EXT1: variants seen among roughly 807,000 people sequenced by gnomAD.
The protein encoded by EXT1 is exostosin-1.
In EXT1, 20 loss-of-function variants were observed where a neutral mutation model predicts 82.5. That is an observed-to-expected ratio of 0.24 (90% CI 0.17 to 0.35). The LOEUF (loss-of-function observed/expected upper bound fraction) is 0.35, where lower values mean the gene tolerates loss of function less well. Among genes scored for constraint, EXT1 ranks in the 10% least tolerant of loss-of-function variants. The probability of loss-of-function intolerance (pLI) is 1.00; values close to 1 mark genes in which losing one functional copy is unlikely to be tolerated. For synonymous variants in EXT1, 348 were observed against 350.8 expected, an observed-to-expected ratio of 0.99 and a Z score of 0.09; for missense variants, 757 against 936.5, an observed-to-expected ratio of 0.81 and a Z score of 2.50.
chr8:117,928,689 G>T (rs2447541), intron 1 of EXT1, among the ~76,000 whole-genome samples: 111,360 of 151,846 alleles, frequency 0.73, 41,396 homozygotes, highest in African/African-American at 0.83. Flanking sequence ...AATTTCCACT[G>T]GATGTGATAT....
At chr8:117,978,430 T>A (rs1293122597) in intron 1 of EXT1, among the ~76,000 whole-genome samples, 2 of 152,194 alleles carry the variant, frequency 1.3e-5, no homozygotes, top group Non-Finnish European at 2.9e-5. Context: ...GCACATCATC[T>A]CTTTGGAATC....
intron 1 of EXT1, among the ~76,000 whole-genome samples, chr8:117,879,351 G>C (rs977807742): frequency 5.3e-5 from 8 of 151,990 alleles, no homozygotes; most frequent in African/African-American, 1.9e-4. Flanking sequence ...AACAAAAACA[G>C]AGCCTGGAGA....
At chr8:118,035,587 ACT>A (rs2129888804) in intron 1 of EXT1, among the ~76,000 whole-genome samples, 2 of 151,916 alleles carry the variant, frequency 1.3e-5, no homozygotes, top group East Asian at 3.9e-4. Context: ...AAGTTCTATA[ACT>A]CAATTCAAAC....
At chr8:117,938,438 A>C (rs1814210754) in intron 1 of EXT1, among the ~76,000 whole-genome samples, 1 of 152,166 alleles carries the variant, frequency 6.6e-6, no homozygotes, top group Admixed American at 6.6e-5. Context: ...CTCCAGCCTA[A>C]GTGACAAAGC....
intron 1 of EXT1, among the ~76,000 whole-genome samples, chr8:117,973,800 A>AGAAAG (rs1211158489): frequency 0.023 from 1,007 of 43,328 alleles, 35 homozygotes; most frequent in Non-Finnish European, 0.033. Flanking sequence ...AAAAGAAAAG[A>AGAAAG]GAAAGGAAAG....
chr8:117,993,835 G>C (rs1336917164), intron 1 of EXT1, among the ~76,000 whole-genome samples: 5 of 152,300 alleles, frequency 3.3e-5, no homozygotes, highest in Admixed American at 6.5e-5. Context: ...AGGAAAATGA[G>C]TAAAGAAGCC....
intron 1 of EXT1, among the ~76,000 whole-genome samples, chr8:117,899,533 C>A (rs996095232): frequency 6.6e-6 from 1 of 152,158 alleles, no homozygotes; most frequent in Non-Finnish European, 1.5e-5. Flanking sequence ...AACGTGTTCA[C>A]AGGACATCAG....
chr8:118,079,379 C>G lies in EXT1; in HGVS notation c.962+30706G>C, dbSNP rs184202996. On this transcript the variant is annotated intron_variant, in intron 1 of 10. Coordinates refer to ENST00000378204, the MANE Select transcript of EXT1 (RefSeq NM_000127.3). The stretch of plus-strand genomic sequence containing the variant: ...CTCGAATAAAACCTTTTTGGTAAAG[C>G]TTAGAGTTCCTTTTGATGTCAAAAA... Among the ~76,000 whole-genome samples, 18 of 152,294 alleles carry G rather than the reference C, an allele frequency of 1.2e-4. No individual in the cohort carries two copies. In the East Asian group the frequency reaches 2.9e-3, roughly 24 times the overall value.
chr8:118,051,862 G>A (rs1041537881), intron 1 of EXT1, among the ~76,000 whole-genome samples: 3 of 152,152 alleles, frequency 2.0e-5, no homozygotes, highest in African/African-American at 7.2e-5. Flanking sequence ...GTTTTCTGCT[G>A]TGCATCTCCA....
intron 1 of EXT1, among the ~76,000 whole-genome samples, chr8:118,050,920 T>A (rs1334746815): frequency 1.3e-5 from 2 of 152,200 alleles, no homozygotes; most frequent in East Asian, 3.8e-4. Context: ...GTATTTTAGA[T>A]CCTTATTCCC....
intron 1 of EXT1, among the ~76,000 whole-genome samples, chr8:118,102,873 G>A (rs990463797): frequency 2.6e-5 from 4 of 151,882 alleles, no homozygotes; most frequent in East Asian, 1.9e-4. Flanking sequence ...AGACAAGGTC[G>A]GCCGGGCTTG....
chr8:117,900,864 T>C (rs781277769), intron 1 of EXT1, among the ~76,000 whole-genome samples: 5 of 152,258 alleles, frequency 3.3e-5, no homozygotes, highest in Non-Finnish European at 5.9e-5. Context: ...TATTGGTACT[T>C]CTTGATGCTA....
At chr8:117,810,600 T>C (rs1444558551) in intron 8 of EXT1, among the ~76,000 whole-genome samples, 1 of 152,200 alleles carries the variant, frequency 6.6e-6, no homozygotes, top group Admixed American at 6.5e-5. Flanking sequence ...GTGAGACTAA[T>C]TGCCTTGTGC....
intron 1 of EXT1, among the ~76,000 whole-genome samples, chr8:117,953,703 T>C (rs933406933): frequency 3.3e-5 from 5 of 152,068 alleles, no homozygotes; most frequent in Non-Finnish European, 5.9e-5. Flanking sequence ...TTCTTTAACA[T>C]TTCTTATAAA....
intron 1 of EXT1, among the ~76,000 whole-genome samples, chr8:118,072,020 C>T (rs924245165): frequency 2.4e-4 from 37 of 152,114 alleles, no homozygotes; most frequent in Admixed American, 1.8e-3. Context: ...TGCAACACTG[C>T]CTCTCCTAGT....
chr8:117,803,526 G>T (rs1304075181), intron 10 of EXT1, among the ~76,000 whole-genome samples: 1 of 151,954 alleles, frequency 6.6e-6, no homozygotes, highest in African/African-American at 2.4e-5. Context: ...ATATAGTAGG[G>T]GCTCTGCTCA....
chr8:117,844,884 T>G (rs1812328621), intron 1 of EXT1, among the ~76,000 whole-genome samples: 1 of 149,632 alleles, frequency 6.7e-6, no homozygotes, highest in South Asian at 2.1e-4. Flanking sequence ...CTCAAGACAG[T>G]TTTTTGCCTT....
chr8:117,979,867 T>C (rs1032103280), intron 1 of EXT1, among the ~76,000 whole-genome samples: 7 of 152,166 alleles, frequency 4.6e-5, no homozygotes. Context: ...AGAAAATAAA[T>C]TACCACTTAA....
Position 118,110,238 on chromosome 8 carries a change from C to G in EXT1, c.809G>C (p.Arg270Thr). The part of the protein sequence containing the change: ...RKYMLVFKGK[R>T]YLTGIGSDTR... ...GTCTGATCCTATCCCTGTCAGGTAC[C>G]TCTTCCCCTTGAATACCAGCATGTA... The change falls in exon 1 of 11, where the codon AGG becomes ACG. Residue 270 changes from arginine (R) to threonine (T), a missense_variant. By Grantham distance (71) the Arg-to-Thr change is moderately conservative. This residue lies in a region of EXT1 where 247 missense variants were observed against 330.1 expected (regional missense o/e 0.75). Transcript: ENST00000378204. 6.2e-7 allele frequency: 1 copy of G among 1,614,188 alleles called. No individual in the cohort carries two copies. The highest frequency in any genetic ancestry group is 8.5e-7 in the Non-Finnish European group (1 of 1,180,040).
Sources: allele counts gnomAD v4.1 joint callset (sites outside exome capture counted in the v4.1 genomes callset), GRCh38; gene constraint gnomAD v4.1.1; regional missense constraint gnomAD v4.1.1; transcripts MANE v1.5; gene names NCBI Gene and HGNC (gene_info 2026-07-23, HGNC 2026-07-21).